Variants in KDM2B observed in about 807,000 individuals in gnomAD.
KDM2B encodes the protein lysine-specific demethylase 2B.
In KDM2B, 26 loss-of-function variants were observed where a neutral mutation model predicts 150.0. The observed-to-expected ratio is 0.17, with a 90% CI of 0.13 to 0.24. KDM2B has a LOEUF of 0.24. Among genes scored for constraint, KDM2B ranks in the 10% least tolerant of loss-of-function variants. The probability of loss-of-function intolerance (pLI) is 1.00; values close to 1 mark genes in which losing one functional copy is unlikely to be tolerated. For synonymous variants in KDM2B, 734 were observed against 729.5 expected (o/e 1.01, Z -0.10); for missense variants, 1,265 against 1,816.9 (o/e 0.70, Z 5.52).
intron 11 of KDM2B, among the ~76,000 whole-genome samples, chr12:121,507,644 G>A (rs1885209768): frequency 6.6e-6 from 1 of 152,170 alleles, no homozygotes; most frequent in African/African-American, 2.4e-5. Context: ...TTCATCCCTA[G>A]GAGGACATCT....
chr12:121,567,706 CTTTTTTTTTTT>C (rs1180847689), intron 4 of KDM2B, among the ~76,000 whole-genome samples: 1 of 120,934 alleles, frequency 8.3e-6, no homozygotes, highest in African/African-American at 3.2e-5. Context: ...AAATACATTT[CTTTTTTTTTTT>C]TTTTTTTTTT....
intron 9 of KDM2B, chr12:121,516,400 A>T (rs1232785336): frequency 1.0e-6 from 1 of 955,220 alleles, no homozygotes; most frequent in Non-Finnish European, 1.4e-6. Context: ...TCAAATTTTT[A>T]TTTATTTATT....
chr12:121,414,903 T>C, the KDM2B span, among the ~76,000 whole-genome samples: 1 of 152,138 alleles, frequency 6.6e-6, no homozygotes, highest in East Asian at 1.9e-4. Context: ...AGACCAGCCA[T>C]GGTCAACATG....
intron 22 of KDM2B, among the ~76,000 whole-genome samples, chr12:121,431,137 CTT>C (rs34210302): frequency 3.4e-5 from 5 of 147,532 alleles, no homozygotes; most frequent in Non-Finnish European, 4.5e-5. Flanking sequence ...ACCCTTTGTG[CTT>C]TTTTTTTTTG....
rs371877966 is a variant in KDM2B at position 121,444,542 on chromosome 12, G to A, written c.2104-6C>T. 63 of 1,613,454 alleles carry A rather than the reference G, an allele frequency of 3.9e-5. No homozygotes were observed. Among genetic ancestry groups the A allele is most frequent in the Admixed American group, 3.5e-4 (21 of 60,028 alleles). On this transcript the variant is annotated splice_region_variant and splice_polypyrimidine_tract_variant and intron_variant, in intron 14 of 22. Coordinates refer to ENST00000377071, the MANE Select transcript of KDM2B (RefSeq NM_032590.5). ...ACACCCTCTGACTCCTTAATCTGCGGGGAACACCAGGACTCAGAAGAGGGA... is the reference window on the plus strand; with the variant it reads ...ACACCCTCTGACTCCTTAATCTGCGAGGAACACCAGGACTCAGAAGAGGGA...
chr12:121,456,198 T>C (rs1878206872), intron 12 of KDM2B, among the ~76,000 whole-genome samples: 1 of 152,194 alleles, frequency 6.6e-6, no homozygotes, highest in South Asian at 2.1e-4. Flanking sequence ...CAAATGCATG[T>C]GCGAAGTGCA....
At chr12:121,573,550 C>T (rs1340746665) in intron 4 of KDM2B, among the ~76,000 whole-genome samples, 4 of 151,732 alleles carry the variant, frequency 2.6e-5, no homozygotes, top group Non-Finnish European at 4.4e-5. Context: ...GCTGGGATTA[C>T]AGGCGTGAGC....
intron 12 of KDM2B, among the ~76,000 whole-genome samples, chr12:121,474,291 A>G (rs1020830414): frequency 1.6e-4 from 24 of 152,272 alleles, no homozygotes; most frequent in Middle Eastern, 3.4e-3. Context: ...AGGTGGGCAG[A>G]TCACGAGGTC....
At chr12:121,556,644 A>G (rs1156904560) in intron 4 of KDM2B, among the ~76,000 whole-genome samples, 1 of 152,190 alleles carries the variant, frequency 6.6e-6, no homozygotes, top group Non-Finnish European at 1.5e-5. Flanking sequence ...TGAGGTCAAG[A>G]GTTTGAGACT....
intron 12 of KDM2B, among the ~76,000 whole-genome samples, chr12:121,478,866 T>TGTG (rs1881709324): frequency 1.6e-4 from 21 of 131,216 alleles, no homozygotes; most frequent in Non-Finnish European, 2.1e-4. Context: ...TTTTGTTTGT[T>TGTG]TGTGTGTGTG....
chr12:121,453,102 G>A lies in KDM2B; in HGVS notation c.1959+18C>T, dbSNP rs1318695882. ...GGGGCCTGAATCGAGCGCAGGGCTG[G>A]GCGGGGGCCGCACTCACCGCGATGC... On this transcript the variant is annotated intron_variant, in intron 13 of 22. Coordinates refer to ENST00000377071, the MANE Select transcript of KDM2B (RefSeq NM_032590.5). This position sits in a 1 kb window ranked among gnomAD's most constrained non-coding sequence, Gnocchi z 6.4. 1.3e-6 allele frequency: 2 copies of A among 1,589,340 alleles called. No homozygotes were observed. Among genetic ancestry groups the A allele is most frequent in the Non-Finnish European group, 1.7e-6 (2 of 1,169,624 alleles).
the KDM2B span, chr12:121,420,251 GAAA>G: frequency 1.2e-6 from 2 of 1,608,410 alleles, no homozygotes; most frequent in African/African-American, 1.3e-5. Flanking sequence ...GGTACAAAGT[GAAA>G]TCACTTCAGC....
intron 12 of KDM2B, among the ~76,000 whole-genome samples, chr12:121,478,323 C>T (rs922285835): frequency 6.7e-4 from 101 of 151,168 alleles, no homozygotes; most frequent in African/African-American, 2.4e-3. Context: ...TTTTTTGATC[C>T]TCGCCCTCTC....
chr12:121,510,368 C>A (rs146774474), intron 10 of KDM2B, among the ~76,000 whole-genome samples: 2,092 of 152,220 alleles, frequency 0.014, 47 homozygotes, highest in African/African-American at 0.048. Flanking sequence ...CTCCGCCTCC[C>A]GGGTTCAAGT....
intron 4 of KDM2B, among the ~76,000 whole-genome samples, chr12:121,551,519 A>G (rs1427403692): frequency 6.6e-6 from 1 of 151,226 alleles, no homozygotes; most frequent in African/African-American, 2.4e-5. Flanking sequence ...CCAGGTTTTT[A>G]TTTTTTGTAG....
At chr12:121,480,859 T>C (rs181427183) in intron 12 of KDM2B, among the ~76,000 whole-genome samples, 101 of 150,984 alleles carry the variant, frequency 6.7e-4, no homozygotes, top group Non-Finnish European at 1.4e-3. Flanking sequence ...TCATAAACAC[T>C]AGCAAAGAAA....
At chr12:121,561,188 G>T (rs1474616255) in intron 4 of KDM2B, among the ~76,000 whole-genome samples, 1 of 152,158 alleles carries the variant, frequency 6.6e-6, no homozygotes. Flanking sequence ...CCTCGGGCTC[G>T]GGGCCAGGAC....
In KDM2B at chr12:121,518,955, G is replaced by A. The variant is rs144510384; in HGVS notation, c.1047+2030C>T. Among the ~76,000 whole-genome samples the A allele has an allele frequency of 5.3e-5, 8 of 152,326 alleles. No homozygotes were observed. In the East Asian group the frequency reaches 7.7e-4, roughly 15 times the overall value. On this transcript the variant is annotated intron_variant, in intron 9 of 22. Transcript: ENST00000377071. This position sits in a 1 kb window ranked among gnomAD's most constrained non-coding sequence, Gnocchi z 4.4. Reference sequence around the variant, plus strand: ...GCCTTTCTCCTGAATGGCATGGGGCGGCTCCTCCAGACCAGGGTGGGGGCT... The same window carrying A: ...GCCTTTCTCCTGAATGGCATGGGGCAGCTCCTCCAGACCAGGGTGGGGGCT...
chr12:121,426,620 A>ATTTTTTTTTTTTTTTTTTTTTTT (rs34070273), downstream of KDM2B, among the ~76,000 whole-genome samples: 1 of 113,552 alleles, frequency 8.8e-6, no homozygotes. Flanking sequence ...ATTTTAAACA[A>ATTTTTTTTTTTTTTTTTTTTTTT]TTTTTTTTTT....
Sources: allele counts gnomAD v4.1 joint callset (sites outside exome capture counted in the v4.1 genomes callset), GRCh38; gene constraint gnomAD v4.1.1; non-coding constraint Gnocchi (gnomAD v3.1); transcripts MANE v1.5; gene names NCBI Gene and HGNC (gene_info 2026-07-23, HGNC 2026-07-21).